Variants in DPP10 observed in about 807,000 individuals in gnomAD.
The protein encoded by DPP10 is inactive dipeptidyl peptidase 10.
A neutral mutation model predicts 120.9 loss-of-function variants in DPP10; 33 were observed. The ratio of observed to expected loss-of-function variants is 0.27; its 90% CI spans 0.21 to 0.37. The LOEUF (loss-of-function observed/expected upper bound fraction) is 0.37, where lower values mean the gene tolerates loss of function less well. Among genes scored for constraint, DPP10 ranks in the 10% least tolerant of loss-of-function variants. DPP10 has a pLI of 1.00. For missense variants in DPP10, 816 were observed against 942.8 expected, an observed-to-expected ratio of 0.87 and a Z score of 1.76; for synonymous variants, 337 against 326.1, an observed-to-expected ratio of 1.03 and a Z score of -0.36.
intron 1 of DPP10, among the ~76,000 whole-genome samples, chr2:114,946,704 A>AT (rs1207862882): frequency 6.6e-6 from 1 of 150,900 alleles, no homozygotes; most frequent in African/African-American, 2.4e-5. Context: ...TTCATTTAGG[A>AT]TTTTTTTTGT....
chr2:115,462,172 C>A (rs1006328362), intron 3 of DPP10, among the ~76,000 whole-genome samples: 3 of 152,144 alleles, frequency 2.0e-5, no homozygotes, highest in Admixed American at 6.5e-5. Flanking sequence ...CCGTCACTTA[C>A]CAGTCACACA....
chr2:114,980,642 A>AG (rs1254489490), intron 1 of DPP10, among the ~76,000 whole-genome samples: 1 of 151,870 alleles, frequency 6.6e-6, no homozygotes, highest in Admixed American at 6.6e-5. Flanking sequence ...CTGAAAAAAA[A>AG]AAAAAAAGAA....
At chr2:115,216,929 G>A (rs973852837) in intron 1 of DPP10, among the ~76,000 whole-genome samples, 1 of 151,498 alleles carries the variant, frequency 6.6e-6, no homozygotes, top group Non-Finnish European at 1.5e-5. Flanking sequence ...ATATGTCTAT[G>A]TATATTTGTC....
chr2:114,601,097 C>A (rs868646120), intron 1 of DPP10, among the ~76,000 whole-genome samples: 1 of 151,816 alleles, frequency 6.6e-6, no homozygotes, highest in Non-Finnish European at 1.5e-5. Flanking sequence ...ACTATTGAAT[C>A]GCCACAAAGA....
intron 3 of DPP10, among the ~76,000 whole-genome samples, chr2:115,351,126 C>T (rs1356992324): frequency 1.3e-5 from 2 of 152,014 alleles, no homozygotes; most frequent in Non-Finnish European, 2.9e-5. Flanking sequence ...AACCTAGGTG[C>T]CCCAAAATGT....
intron 1 of DPP10, among the ~76,000 whole-genome samples, chr2:115,259,202 G>A (rs1559327044): frequency 6.6e-6 from 1 of 152,074 alleles, no homozygotes; most frequent in Non-Finnish European, 1.5e-5. Context: ...AAAAGGCCGG[G>A]TGGGTGGGGT....
chr2:115,455,764 A>T (rs943265558), intron 3 of DPP10, among the ~76,000 whole-genome samples: 2 of 152,206 alleles, frequency 1.3e-5, no homozygotes, highest in Admixed American at 6.5e-5. Context: ...GTCTAGCCAT[A>T]TGTAGAAAGC....
intron 1 of DPP10, among the ~76,000 whole-genome samples, chr2:115,291,761 C>A (rs553582766): frequency 2.0e-5 from 3 of 152,084 alleles, no homozygotes; most frequent in Non-Finnish European, 4.4e-5. Context: ...GGTCACTGAC[C>A]AGATCCTTAT....
At chr2:115,156,759 C>A (rs113061652) in intron 1 of DPP10, among the ~76,000 whole-genome samples, 5,225 of 152,280 alleles carry the variant, frequency 0.034, 98 homozygotes, top group African/African-American at 0.039. Flanking sequence ...GAAATTTATT[C>A]ATCACAGGCA....
At chr2:114,883,586 A>G (rs1278379292) in intron 1 of DPP10, among the ~76,000 whole-genome samples, 1 of 152,166 alleles carries the variant, frequency 6.6e-6, no homozygotes, top group Non-Finnish European at 1.5e-5. Context: ...GTATTAGTAA[A>G]ATCCCGACTT....
intron 3 of DPP10, among the ~76,000 whole-genome samples, chr2:115,385,614 C>A (rs1165492568): frequency 6.6e-6 from 1 of 152,136 alleles, no homozygotes; most frequent in Non-Finnish European, 1.5e-5. Context: ...GCCTCAGCTT[C>A]CCAAAGTGCT....
At chr2:114,841,349 G>T (rs771588620) in intron 1 of DPP10, among the ~76,000 whole-genome samples, 10 of 152,138 alleles carry the variant, frequency 6.6e-5, no homozygotes, top group Non-Finnish European at 1.3e-4. Context: ...TAAAATAGTT[G>T]ATTGCAAATA....
intron 1 of DPP10, among the ~76,000 whole-genome samples, chr2:114,741,468 C>T (rs949411585): frequency 3.0e-4 from 45 of 152,018 alleles, no homozygotes; most frequent in Non-Finnish European, 5.6e-4. Context: ...AGAGTTCACT[C>T]CTATCCTCTC....
intron 1 of DPP10, among the ~76,000 whole-genome samples, chr2:114,868,127 G>A (rs1690386403): frequency 6.6e-6 from 1 of 152,142 alleles, no homozygotes; most frequent in Non-Finnish European, 1.5e-5. Flanking sequence ...TTTAACAGGT[G>A]CATCATTATG....
chr2:114,661,876 CA>C lies in DPP10; in HGVS notation c.60+219039del, dbSNP rs770969969. ...CGTCTTCTCCTTAATAAAATAATAA[CA>C]CAGGAATGAAGATTTCTGATACACA... On this transcript the variant is annotated intron_variant, in intron 1 of 25. Coordinates refer to ENST00000410059, the MANE Select transcript of DPP10 (RefSeq NM_020868.6). Among the ~76,000 whole-genome samples the C allele has an allele frequency of 2.8e-4, 42 of 152,244 alleles. 1 individual carries two copies. The highest frequency in any genetic ancestry group is 5.1e-4 in the Non-Finnish European group (35 of 68,018).
chr2:115,041,187 C>G (rs1220744839), intron 1 of DPP10, among the ~76,000 whole-genome samples: 4 of 151,762 alleles, frequency 2.6e-5, no homozygotes, highest in African/African-American at 4.8e-5. Flanking sequence ...CCTGCAGAAC[C>G]ATGAGCCAAT....
intron 1 of DPP10, among the ~76,000 whole-genome samples, chr2:114,791,331 C>A (rs1683227072): frequency 6.6e-6 from 1 of 152,138 alleles, no homozygotes; most frequent in African/African-American, 2.4e-5. Context: ...TGAACTAGCG[C>A]TGTAGACTTG....
chr2:115,014,907 A>G (rs1702524360), intron 1 of DPP10, among the ~76,000 whole-genome samples: 1 of 151,688 alleles, frequency 6.6e-6, no homozygotes, highest in African/African-American at 2.4e-5. Flanking sequence ...TTCACAGCCA[A>G]ATTCTACCAG....
intron 1 of DPP10, among the ~76,000 whole-genome samples, chr2:115,264,092 C>G (rs901031414): frequency 1.3e-5 from 2 of 152,128 alleles, no homozygotes; most frequent in African/African-American, 4.8e-5. Context: ...ATGTTGAAAA[C>G]TTAAACTTTT....
Sources: gnomAD v4.1 joint callset for allele counts (sites outside exome capture counted in the v4.1 genomes callset) on GRCh38, gnomAD v4.1.1 for gene constraint, MANE v1.5 for transcripts, NCBI Gene and HGNC (gene_info 2026-07-23, HGNC 2026-07-21) for gene names.